The following PODXL variants were observed in gnomAD, a reference collection of about 807,000 sequenced individuals.
The protein encoded by PODXL is podocalyxin like.
A neutral mutation model predicts 48.9 loss-of-function variants in PODXL; 20 were observed. That is an observed-to-expected ratio of 0.41 (90% CI 0.29 to 0.59). PODXL has a LOEUF of 0.59. Among genes scored for constraint, PODXL ranks in the 20% least tolerant of loss-of-function variants. PODXL has a pLI of 0.31. For missense variants in PODXL, 606 were observed against 675.1 expected, an observed-to-expected ratio of 0.90 and a Z score of 1.13; for synonymous variants, 295 against 287.4, an observed-to-expected ratio of 1.03 and a Z score of -0.27.
rs1031774315 is a variant in PODXL at position 131,503,255 on chromosome 7, G to A, written c.*1056C>T. 5 of 152,700 alleles carry A rather than the reference G, an allele frequency of 3.3e-5. No homozygotes were observed. Among genetic ancestry groups the A allele is most frequent in the African/African-American group, 7.2e-5 (3 of 41,456 alleles). 9.5% of individuals were successfully genotyped at this position (152,700 alleles called of 1,614,324 possible). A position where few individuals can be genotyped will look rare whatever the true frequency, so the allele number is the denominator to read the frequency against. On this transcript the variant is annotated 3_prime_UTR_variant, in exon 9 of 9. Coordinates refer to ENST00000378555, the MANE Select transcript of PODXL (RefSeq NM_001018111.3). ...AGACACATCGCTGATGGGGGGCCCC[G>A]GGAAGGCCTCTCCTGCAGCCACTGC...
At chr7:131,524,690 TAGC>T (rs1798152784) in intron 1 of PODXL, among the ~76,000 whole-genome samples, 1 of 152,142 alleles carries the variant, frequency 6.6e-6, no homozygotes, top group African/African-American at 2.4e-5. Context: ...GAAAACAGGT[TAGC>T]AGTTTATTTT....
chr7:131,525,894 T>C (rs1798177524), intron 1 of PODXL, among the ~76,000 whole-genome samples: 2 of 152,200 alleles, frequency 1.3e-5, no homozygotes, highest in Non-Finnish European at 2.9e-5. Flanking sequence ...AGGCTAGCCC[T>C]GTGATGCTTG....
intron 1 of PODXL, among the ~76,000 whole-genome samples, chr7:131,512,045 C>T (rs1299282955): frequency 2.0e-5 from 3 of 152,174 alleles, no homozygotes; most frequent in Non-Finnish European, 4.4e-5. Context: ...TGAGCTTAAG[C>T]AAAAAAGACA....
Position 131,500,937 on chromosome 7 carries a change from T to A in PODXL, c.*3374A>T, listed in dbSNP as rs1266078347. 6.6e-6 allele frequency: 1 copy of A among 152,182 alleles called. No homozygotes were observed. Among genetic ancestry groups the A allele is most frequent in the Non-Finnish European group, 1.5e-5 (1 of 68,040 alleles). The allele number at this position is 152,182 out of a possible 1,614,324, so 9.4% of individuals were successfully genotyped here. On this transcript the variant is annotated 3_prime_UTR_variant, in exon 9 of 9. Transcript: ENST00000378555. The stretch of plus-strand genomic sequence containing the variant: ...GATTTTGAGGAAGTCACTTCATCTT[T>A]GTGAGCTTCAGATTATCTTTTTCTC...
chr7:131,540,943 C>G (rs1369625885), intron 1 of PODXL, among the ~76,000 whole-genome samples: 2 of 152,228 alleles, frequency 1.3e-5, no homozygotes, highest in Non-Finnish European at 2.9e-5. Context: ...AGGGAATGAT[C>G]TGCTTCCGTC....
intron 1 of PODXL, among the ~76,000 whole-genome samples, chr7:131,544,556 G>A (rs918384230): frequency 6.6e-6 from 1 of 152,046 alleles, no homozygotes; most frequent in South Asian, 2.1e-4. Flanking sequence ...CTTTTTGGGC[G>A]GTGCTCTCAG....
intron 1 of PODXL, among the ~76,000 whole-genome samples, chr7:131,529,109 C>T (rs748908371): frequency 1.3e-5 from 2 of 151,998 alleles, no homozygotes; most frequent in Non-Finnish European, 2.9e-5. Context: ...AAACAGAGGC[C>T]AGGGTATTTC....
intron 1 of PODXL, among the ~76,000 whole-genome samples, chr7:131,538,188 T>TGG (rs1257955062): frequency 2.0e-5 from 3 of 152,022 alleles, no homozygotes; most frequent in Admixed American, 6.5e-5. Context: ...GTTGGGAGGA[T>TGG]GACCCCCCTA....
chr7:131,512,401 T>C (rs1248479482), intron 1 of PODXL, among the ~76,000 whole-genome samples: 1 of 151,904 alleles, frequency 6.6e-6, no homozygotes, highest in Non-Finnish European at 1.5e-5. Context: ...GGAGGGACCA[T>C]GTCGAATGAG....
intron 6 of PODXL, 68 bp from the exon 7 acceptor site, chr7:131,506,389 C>T: frequency 6.5e-7 from 1 of 1,534,540 alleles, no homozygotes; most frequent in Non-Finnish European, 9.0e-7. Flanking sequence ...GGGGACTGCG[C>T]CCCAAGAGAG....
At chr7:131,525,509 C>T (rs2116823486) in intron 1 of PODXL, among the ~76,000 whole-genome samples, 1 of 146,772 alleles carries the variant, frequency 6.8e-6, no homozygotes, top group South Asian at 2.1e-4. Context: ...ACTCGGGAGG[C>T]AGGACCGCTT....
chr7:131,527,950 CTGG>C (rs1454667575), intron 1 of PODXL, among the ~76,000 whole-genome samples: 2 of 142,076 alleles, frequency 1.4e-5, no homozygotes, highest in Non-Finnish European at 3.0e-5. Flanking sequence ...GTCACCCTGG[CTGG>C]AGTGCAGTGG....
intron 1 of PODXL, among the ~76,000 whole-genome samples, chr7:131,515,938 A>G (rs1404411878): frequency 6.6e-6 from 1 of 152,214 alleles, no homozygotes; most frequent in Non-Finnish European, 1.5e-5. Context: ...TCCCAGGAGG[A>G]AAAACACAGA....
At chr7:131,524,438 C>T (rs966089818) in intron 1 of PODXL, among the ~76,000 whole-genome samples, 2 of 143,072 alleles carry the variant, frequency 1.4e-5, no homozygotes, top group Admixed American at 1.5e-4. Flanking sequence ...ACAATAAAAA[C>T]CCAATTTTTT....
chr7:131,532,974 AAT>A (rs1798308997), intron 1 of PODXL, among the ~76,000 whole-genome samples: 1 of 152,120 alleles, frequency 6.6e-6, no homozygotes, highest in South Asian at 2.1e-4. Flanking sequence ...GTGAGAAATA[AAT>A]GTCTGTTGCC....
intron 1 of PODXL, among the ~76,000 whole-genome samples, chr7:131,549,142 G>C (rs1478883569): frequency 6.6e-6 from 1 of 152,168 alleles, no homozygotes; most frequent in Non-Finnish European, 1.5e-5. Flanking sequence ...CGAGTAGGAG[G>C]AAAAGAGTGT....
chr7:131,525,816 T>A (rs1177839748), intron 1 of PODXL, among the ~76,000 whole-genome samples: 1 of 152,132 alleles, frequency 6.6e-6, no homozygotes, highest in African/African-American at 2.4e-5. Flanking sequence ...AAATAAACTA[T>A]AGATAACATA....
chr7:131,527,074 A>C (rs1798199634), intron 1 of PODXL, among the ~76,000 whole-genome samples: 2 of 152,124 alleles, frequency 1.3e-5, no homozygotes, highest in Non-Finnish European at 2.9e-5. Context: ...CACTTATCCT[A>C]GGGAGACAAG....
Position 131,509,391 on chromosome 7 carries a change from G to T in PODXL, c.997C>A (p.Pro333Thr). 1.2e-6 allele frequency: 2 copies of T among 1,614,112 alleles called. No individual in the cohort carries two copies. The highest frequency in any genetic ancestry group is 2.7e-5 in the African/African-American group (2 of 75,038). The change falls in exon 4 of 9, where the codon CCC becomes ACC. Residue 333 changes from proline (P) to threonine (T), a missense_variant. Transcript: ENST00000378555. ...CAGTTACTCTCATGAGCCACAGTGGGAGAAGGTGTTTTGGGGTATCGGTGG... is the reference window on the plus strand; with the variant it reads ...CAGTTACTCTCATGAGCCACAGTGGTAGAAGGTGTTTTGGGGTATCGGTGG... ...TTHRYPKTPS[P>T]TVAHESNWAK... is the part of the protein sequence containing the mutation.
Sources: allele counts gnomAD v4.1 joint callset (sites outside exome capture counted in the v4.1 genomes callset), GRCh38; gene constraint gnomAD v4.1.1; transcripts MANE v1.5; gene names NCBI Gene and HGNC (gene_info 2026-07-23, HGNC 2026-07-21).